CAMK4: variants seen among roughly 807,000 people sequenced by gnomAD.
The protein encoded by CAMK4 is calcium/calmodulin-dependent protein kinase type IV.
A neutral mutation model predicts 44.9 loss-of-function variants in CAMK4; 22 were observed. The ratio of observed to expected loss-of-function variants is 0.49; its 90% confidence interval spans 0.35 to 0.70. The LOEUF (loss-of-function observed/expected upper bound fraction) is 0.70, where lower values mean the gene tolerates loss of function less well. CAMK4 is among the 30% of genes least tolerant of loss of function. The probability of loss-of-function intolerance (pLI) is 0.01; values close to 1 mark genes in which losing one functional copy is unlikely to be tolerated. For missense variants in CAMK4, 498 were observed against 586.8 expected (o/e 0.85, Z 1.56); for synonymous variants, 218 against 215.4 (o/e 1.01, Z -0.11).
intron 5 of CAMK4, among the ~76,000 whole-genome samples, chr5:111,404,040 A>T (rs1211532511): frequency 6.6e-6 from 1 of 152,244 alleles, no homozygotes; most frequent in Non-Finnish European, 1.5e-5. Context: ...AAGTGCAGCC[A>T]GTGCAGCCTG....
chr5:111,443,103 C>A (rs921623401), intron 5 of CAMK4, among the ~76,000 whole-genome samples: 1 of 149,056 alleles, frequency 6.7e-6, no homozygotes, highest in Non-Finnish European at 1.5e-5. Flanking sequence ...TCACATTTTC[C>A]TTCTACCTGT....
chr5:111,383,687 G>A (rs1580680973), intron 4 of CAMK4, among the ~76,000 whole-genome samples: 1 of 151,132 alleles, frequency 6.6e-6, no homozygotes, highest in South Asian at 2.1e-4. Flanking sequence ...GGATGGTCTG[G>A]ATCTCTTGAC....
At chr5:111,326,422 A>T (rs1163445310) in intron 1 of CAMK4, among the ~76,000 whole-genome samples, 2 of 151,998 alleles carry the variant, frequency 1.3e-5, no homozygotes, top group Admixed American at 6.6e-5. Context: ...AAATAACCTT[A>T]TATCTGTTAA....
chr5:111,476,485 G>A (rs1174248235), intron 8 of CAMK4, among the ~76,000 whole-genome samples: 1 of 151,860 alleles, frequency 6.6e-6, no homozygotes, highest in African/African-American at 2.4e-5. Flanking sequence ...CACCATGCTG[G>A]CCAGCCTGGT....
At chr5:111,333,657 T>C (rs1561419706) in intron 1 of CAMK4, among the ~76,000 whole-genome samples, 1 of 151,586 alleles carries the variant, frequency 6.6e-6, no homozygotes, top group Non-Finnish European at 1.5e-5. Context: ...CCAATGCTTA[T>C]GGAGATCCAA....
At chr5:111,466,933 G>A (rs1420645663) in intron 7 of CAMK4, among the ~76,000 whole-genome samples, 1 of 152,066 alleles carries the variant, frequency 6.6e-6, no homozygotes, top group African/African-American at 2.4e-5. Flanking sequence ...CACATTATCT[G>A]ACTTTATACT....
chr5:111,378,146 C>G (rs745319580), intron 4 of CAMK4, among the ~76,000 whole-genome samples: 1 of 151,800 alleles, frequency 6.6e-6, no homozygotes, highest in Non-Finnish European at 1.5e-5. Flanking sequence ...AGATTAGTGC[C>G]GTTATAAAAG....
intron 5 of CAMK4, among the ~76,000 whole-genome samples, chr5:111,407,943 T>C (rs1291906244): frequency 6.6e-6 from 1 of 152,112 alleles, no homozygotes; most frequent in Non-Finnish European, 1.5e-5. Context: ...CTGGCCAACA[T>C]GGTGAACCCT....
chr5:111,444,061 C>T (rs951832058), intron 5 of CAMK4, among the ~76,000 whole-genome samples: 8 of 152,154 alleles, frequency 5.3e-5, no homozygotes, highest in African/African-American at 1.9e-4. Flanking sequence ...CCAGTATCCT[C>T]CCCTCTTTTC....
intron 2 of CAMK4, among the ~76,000 whole-genome samples, chr5:111,346,460 T>C (rs980190488): frequency 6.9e-6 from 1 of 145,328 alleles, no homozygotes; most frequent in Non-Finnish European, 1.5e-5. Context: ...TGACTAGCCC[T>C]AAGCCCAAGA....
chr5:111,315,971 A>G lies in CAMK4; in HGVS notation c.162-28053A>G, dbSNP rs890399299. Among the ~76,000 whole-genome samples the G allele has an allele frequency of 3.9e-5, 6 of 152,250 alleles. No homozygotes were observed. In the East Asian group the frequency reaches 5.8e-4, roughly 15 times the overall value. ...ATCATTTTGTTTGGCTCTCTAGGCA[A>G]TAATTTGATGCTATTTTTAATTAAT... is the stretch of plus-strand genomic sequence containing the variant. On this transcript the variant is annotated intron_variant, in intron 1 of 10. Coordinates refer to ENST00000282356, the MANE Select transcript of CAMK4 (RefSeq NM_001744.6).
At chr5:111,428,183 G>T (rs1249555051) in intron 5 of CAMK4, among the ~76,000 whole-genome samples, 1 of 152,248 alleles carries the variant, frequency 6.6e-6, no homozygotes, top group African/African-American at 2.4e-5. Context: ...CTGGGCTTGG[G>T]GTGCCCCCTG....
At chr5:111,293,166 A>C (rs306105) in intron 1 of CAMK4, among the ~76,000 whole-genome samples, 141,907 of 152,098 alleles carry the variant, frequency 0.93, 66,306 homozygotes, top group African/African-American at 0.98. Context: ...TCATTGACAC[A>C]CACATTTATT....
At chr5:111,426,723 C>G (rs1753239748) in intron 5 of CAMK4, among the ~76,000 whole-genome samples, 1 of 152,202 alleles carries the variant, frequency 6.6e-6, no homozygotes. Context: ...TTGTGAGGCA[C>G]TGAACTCAGT....
intron 4 of CAMK4, among the ~76,000 whole-genome samples, chr5:111,388,395 A>G (rs757291162): frequency 1.8e-4 from 27 of 152,188 alleles, no homozygotes; most frequent in Non-Finnish European, 1.0e-4. Flanking sequence ...TATTCTGTTT[A>G]TATCCAGCAA....
intron 5 of CAMK4, among the ~76,000 whole-genome samples, chr5:111,419,354 G>C (rs1406415869): frequency 6.6e-6 from 1 of 152,168 alleles, no homozygotes; most frequent in Non-Finnish European, 1.5e-5. Flanking sequence ...CCCTTTGTCA[G>C]ATGAGTAGGT....
At chr5:111,308,841 A>T (rs1443567286) in intron 1 of CAMK4, among the ~76,000 whole-genome samples, 3 of 152,242 alleles carry the variant, frequency 2.0e-5, no homozygotes, top group African/African-American at 4.8e-5. Flanking sequence ...AATATTCAGT[A>T]ATCTTAAAAT....
intron 1 of CAMK4, among the ~76,000 whole-genome samples, chr5:111,332,752 A>G (rs1749224461): frequency 6.6e-6 from 1 of 151,678 alleles, no homozygotes; most frequent in African/African-American, 2.4e-5. Context: ...GGATTACAAC[A>G]TTGGTGCTTT....
chr5:111,354,696 C>T (rs894314079), intron 2 of CAMK4, among the ~76,000 whole-genome samples: 1 of 151,902 alleles, frequency 6.6e-6, no homozygotes, highest in Non-Finnish European at 1.5e-5. Flanking sequence ...GACTCTGTCT[C>T]AAAAATAAAT....
Sources: gnomAD v4.1 joint callset for allele counts (sites outside exome capture counted in the v4.1 genomes callset) on GRCh38, gnomAD v4.1.1 for gene constraint, MANE v1.5 for transcripts, NCBI Gene and HGNC (gene_info 2026-07-23, HGNC 2026-07-21) for gene names.